Variants in HIVEP3 observed in about 807,000 individuals in gnomAD.
HIVEP3 encodes the protein transcription factor HIVEP3.
A neutral mutation model predicts 152.8 loss-of-function variants in HIVEP3; 49 were observed. The observed-to-expected ratio is 0.32, with a 90% confidence interval of 0.26 to 0.41. The LOEUF (loss-of-function observed/expected upper bound fraction) is 0.41. Among genes scored for constraint, HIVEP3 ranks in the 10% least tolerant of loss-of-function variants. The probability of loss-of-function intolerance (pLI) is 1.00; values close to 1 mark genes in which losing one functional copy is unlikely to be tolerated. For missense variants in HIVEP3, 2,790 were observed against 3,103.3 expected (o/e 0.90, Z 2.40); for synonymous variants, 1,269 against 1,289.0 (o/e 0.98, Z 0.33).
In HIVEP3 at chr1:41,583,043, C is replaced by T. The variant is rs1435310116; in HGVS notation, c.1755G>A (p.Arg585=). The part of the protein sequence containing the change: ...HSSHVFTSHP[R]MLKRQPAIEL... ...CGATTGCCGGCTGGCGCTTCAGCAT[C>T]CGGGGGTGGGAGGTAAACACGTGAC... The change falls in exon 4 of 9, where the codon CGG becomes CGA. Residue 585 remains arginine (R), a synonymous_variant. Transcript: ENST00000372583. This position sits in a 1 kb window ranked among gnomAD's most constrained non-coding sequence, Gnocchi z 6.9. 5 of 1,613,862 alleles carry T rather than the reference C, an allele frequency of 3.1e-6. No individual in the cohort carries two copies. Among genetic ancestry groups the T allele is most frequent in the African/African-American group, 1.3e-5 (1 of 74,866 alleles).
chr1:41,770,814 G>A (rs1159375780), intron 1 of HIVEP3, among the ~76,000 whole-genome samples: 1 of 151,754 alleles, frequency 6.6e-6, no homozygotes, highest in East Asian at 1.9e-4. Flanking sequence ...TCCTGGATTG[G>A]ATCCTGTTCC....
intron 3 of HIVEP3, among the ~76,000 whole-genome samples, chr1:41,614,462 C>T (rs938296647): frequency 1.3e-5 from 2 of 152,232 alleles, no homozygotes; most frequent in African/African-American, 4.8e-5. Flanking sequence ...GGCAAGCCTC[C>T]TTTCTGCAGG....
chr1:42,009,487 T>C (rs553412112), intron 1 of HIVEP3, among the ~76,000 whole-genome samples: 1 of 152,338 alleles, frequency 6.6e-6, no homozygotes, highest in East Asian at 1.9e-4. Context: ...ACATCAGATA[T>C]TATTCTGCAT....
chr1:41,656,407 G>C (rs1645629959), intron 2 of HIVEP3, among the ~76,000 whole-genome samples: 1 of 152,196 alleles, frequency 6.6e-6, no homozygotes. Context: ...GCAGTTCCAG[G>C]AACAGAACCC....
At chr1:41,608,547 T>C (rs1405929756) in intron 3 of HIVEP3, among the ~76,000 whole-genome samples, 1 of 152,238 alleles carries the variant, frequency 6.6e-6, no homozygotes, top group Non-Finnish European at 1.5e-5. Flanking sequence ...AGAACACTGC[T>C]AACCCATTCC....
intron 5 of HIVEP3, among the ~76,000 whole-genome samples, chr1:41,540,130 C>T (rs1033209328): frequency 6.6e-6 from 1 of 152,160 alleles, no homozygotes; most frequent in Non-Finnish European, 1.5e-5. Flanking sequence ...TGGGGCTGTG[C>T]GGGGCAGCAG....
intron 1 of HIVEP3, among the ~76,000 whole-genome samples, chr1:41,930,222 A>G (rs1274104962): frequency 2.6e-5 from 4 of 152,186 alleles, no homozygotes; most frequent in Non-Finnish European, 5.9e-5. Context: ...ACAAATACAT[A>G]GAGTTTTGTG....
intron 1 of HIVEP3, among the ~76,000 whole-genome samples, chr1:41,946,376 G>C (rs1179075650): frequency 6.6e-6 from 1 of 152,150 alleles, no homozygotes; most frequent in East Asian, 1.9e-4. Context: ...TGAGAGCCAG[G>C]AAGTTAACTG....
intron 5 of HIVEP3, among the ~76,000 whole-genome samples, chr1:41,574,100 C>T (rs1007221): frequency 0.2 from 30,109 of 152,010 alleles, 3,777 homozygotes; most frequent in East Asian, 0.45. Flanking sequence ...CACACACAGA[C>T]TGCTGCTGGG....
In HIVEP3 at chr1:41,628,729, CA is replaced by C. The variant is rs1645152065; in HGVS notation, c.-522+19del. ...CATGGCGCCTGGCAAGCATATTCAG[CA>C]ACAGCCCCCATTTCCTACCTGTGCT... On this transcript the variant is annotated intron_variant, in intron 3 of 8. Coordinates refer to ENST00000372583, the MANE Select transcript of HIVEP3 (RefSeq NM_024503.5). The C allele has an allele frequency of 4.1e-6, 5 of 1,231,152 alleles. No homozygotes were observed. The highest frequency in any genetic ancestry group is 5.1e-6 in the Non-Finnish European group (5 of 987,016). The allele number at this position is 1,231,152 out of a possible 1,614,324, so 76.3% of individuals were successfully genotyped here. A position where few individuals can be genotyped will look rare whatever the true frequency, so the allele number is the denominator to read the frequency against.
Position 41,584,261 on chromosome 1 carries a change from T to C in HIVEP3, c.537A>G (p.Ala179=), listed in dbSNP as rs1337156840. 1.9e-6 allele frequency: 3 copies of C among 1,613,536 alleles called. No individual in the cohort carries two copies. The East Asian group carries it at 6.7e-5, about 36-fold the overall frequency. Residue 179 remains alanine (A), a synonymous_variant, in exon 4 of 9, where the codon GCA becomes GCG. Transcript: ENST00000372583. The surrounding 1 kb of genome is among the most constrained non-coding windows in gnomAD (Gnocchi z 5.2). ...TCTGGGGCTTCCTCTCCTTCTTGTG[T>C]GCCTCTTCTGTGGGCTTCAAGGAGA... ...SQVSLKPTEE[A]HKKERKPQKP...
intron 1 of HIVEP3, among the ~76,000 whole-genome samples, chr1:41,715,550 A>C (rs1035397768): frequency 2.0e-5 from 3 of 152,218 alleles, no homozygotes; most frequent in Non-Finnish European, 2.9e-5. Flanking sequence ...GCAAAAAGAC[A>C]AAATCCCCAA....
intron 3 of HIVEP3, among the ~76,000 whole-genome samples, chr1:41,612,704 G>A (rs770073761): frequency 7.9e-5 from 12 of 152,180 alleles, no homozygotes; most frequent in African/African-American, 1.7e-4. Flanking sequence ...GGACAAATAC[G>A]GTATCCTGAA....
In HIVEP3 at chr1:41,518,280, G is replaced by A. The variant is rs548661005; in HGVS notation, c.5470+122C>T. ...AGGTGAAGCTATTGGAGGGAGAGAG[G>A]GGAGGAGGGGGAATGGGGCAAAGCA... On this transcript the variant is annotated intron_variant, in intron 7 of 8. Transcript: ENST00000372583. The A allele has an allele frequency of 6.2e-6, 5 of 805,200 alleles. No individual in the cohort carries two copies. In the African/African-American group the frequency reaches 6.7e-5, roughly 11 times the overall value. 49.9% of individuals were successfully genotyped at this position (805,200 alleles called of 1,614,324 possible).
At chr1:41,950,412 A>T (rs965071787) in intron 1 of HIVEP3, among the ~76,000 whole-genome samples, 12 of 152,228 alleles carry the variant, frequency 7.9e-5, no homozygotes, top group African/African-American at 2.9e-4. Flanking sequence ...TTCCCTGGGA[A>T]CACTTTGCAC....
intron 1 of HIVEP3, among the ~76,000 whole-genome samples, chr1:41,901,481 T>C (rs527762979): frequency 2.6e-5 from 4 of 151,888 alleles, no homozygotes; most frequent in South Asian, 2.1e-4. Context: ...CGATCCTCAA[T>C]AGCCAAGCAG....
At position 41,513,101 on chromosome 1, in the gene HIVEP3, G is replaced by T. The variant is rs372931151; in HGVS notation, c.6120C>A (p.Pro2040=). Reference sequence around the variant, plus strand: ...CTCGAGGGGCCAGTTCTCTTCCCAGGGGGCAGAGGGTGAGAGGAGACAGCT... The same window carrying T: ...CTCGAGGGGCCAGTTCTCTTCCCAGTGGGCAGAGGGTGAGAGGAGACAGCT... ...RLQLSPLTLC[P]LGRELAPRAH... Residue 2040 remains proline, a synonymous_variant, in exon 8 of 9, where the codon CCC becomes CCA. Transcript: ENST00000372583. 6.2e-7 allele frequency: 1 copy of T among 1,613,806 alleles called. No individual in the cohort carries two copies. The highest frequency in any genetic ancestry group is 2.2e-5 in the East Asian group (1 of 44,898).
chr1:41,527,907 C>A (rs1191987929), intron 5 of HIVEP3, among the ~76,000 whole-genome samples: 1 of 144,946 alleles, frequency 6.9e-6, no homozygotes, highest in African/African-American at 2.6e-5. Context: ...CTCATGCTCA[C>A]CCTCACACAC....
At chr1:41,535,617 T>C (rs1643378601) in intron 5 of HIVEP3, 1 of 152,172 alleles carries the variant, frequency 6.6e-6, no homozygotes, top group Non-Finnish European at 1.5e-5. Flanking sequence ...ACAGAGGCTA[T>C]GGGGAGGGGT....
Sources: gnomAD v4.1 joint callset for allele counts (sites outside exome capture counted in the v4.1 genomes callset) on GRCh38, gnomAD v4.1.1 for gene constraint, Gnocchi (gnomAD v3.1) non-coding constraint, MANE v1.5 for transcripts, NCBI Gene and HGNC (gene_info 2026-07-23, HGNC 2026-07-21) for gene names.